Variants in ARHGEF28 observed in about 807,000 individuals in gnomAD.
ARHGEF28 encodes the protein 190 kDa guanine nucleotide exchange factor.
In ARHGEF28, 152 loss-of-function variants were observed where a neutral mutation model predicts 206.6. The ratio of observed to expected loss-of-function variants is 0.74; its 90% CI spans 0.64 to 0.84. ARHGEF28 has a LOEUF of 0.84. Ranked by LOEUF, ARHGEF28 falls within the 40% of genes least tolerant of loss-of-function variation. The probability of loss-of-function intolerance (pLI) is 0.00; values close to 1 mark genes in which losing one functional copy is unlikely to be tolerated. For missense variants in ARHGEF28, 2,028 were observed against 2,073.2 expected, an observed-to-expected ratio of 0.98 and a Z score of 0.42; for synonymous variants, 763 against 776.4, an observed-to-expected ratio of 0.98 and a Z score of 0.29.
intron 15 of ARHGEF28, 130 bp downstream of exon 15, chr5:73,857,909 A>T: frequency 2.2e-6 from 3 of 1,386,022 alleles, no homozygotes; most frequent in Non-Finnish European, 1.9e-6. Flanking sequence ...CTTATGGAAT[A>T]TTGCTAAAGC....
chr5:73,664,774 A>G (rs773739879), intron 1 of ARHGEF28, among the ~76,000 whole-genome samples: 1 of 152,176 alleles, frequency 6.6e-6, no homozygotes, highest in Non-Finnish European at 1.5e-5. Flanking sequence ...CTTAACTACT[A>G]TGTCAGATCA....
In ARHGEF28 at chr5:73,894,542, G is replaced by T. The variant is rs1421954223; in HGVS notation, c.3808G>T (p.Ala1270Ser). 1.2e-6 allele frequency: 2 copies of T among 1,613,714 alleles called. No individual in the cohort carries two copies. Among genetic ancestry groups the T allele is most frequent in the African/African-American group, 2.7e-5 (2 of 74,894 alleles). The change falls in exon 29 of 36, where the codon GCA becomes TCA. Residue 1270 changes from alanine (A) to serine (S), a missense_variant. Coordinates refer to ENST00000513042, the MANE Select transcript of ARHGEF28 (RefSeq NM_001177693.2). The stretch of plus-strand genomic sequence containing the variant: ...ACCTGACCCAGGCGAGCCTCCCCAG[G>T]CAGCCTCATTACTGGCAGCAGCACT... ...IKPDPGEPPQ[A>S]ASLLAAALKE...
intron 6 of ARHGEF28, among the ~76,000 whole-genome samples, chr5:73,777,602 T>C (rs1034069273): frequency 6.6e-6 from 1 of 152,230 alleles, no homozygotes; most frequent in Non-Finnish European, 1.5e-5. Flanking sequence ...AGATTATTAT[T>C]GGCTTACTCC....
intron 2 of ARHGEF28, among the ~76,000 whole-genome samples, chr5:73,698,302 T>C (rs921115522): frequency 6.6e-6 from 1 of 152,206 alleles, no homozygotes; most frequent in Admixed American, 6.5e-5. Context: ...AGAATACTTT[T>C]AATTTCTCTG....
At chr5:73,914,666 G>A (rs1055109525) in intron 35 of ARHGEF28, among the ~76,000 whole-genome samples, 7 of 151,966 alleles carry the variant, frequency 4.6e-5, no homozygotes, top group African/African-American at 1.5e-4. Context: ...CAAAGTGTTG[G>A]GATTACAGGC....
chr5:73,772,467 C>A (rs1358634278), intron 4 of ARHGEF28, among the ~76,000 whole-genome samples: 1 of 152,212 alleles, frequency 6.6e-6, no homozygotes, highest in Non-Finnish European at 1.5e-5. Context: ...CAACCTCTGC[C>A]TCCTGGGCTC....
chr5:73,722,368 A>G lies in ARHGEF28; in HGVS notation c.34-27469A>G, dbSNP rs540201902. 1.1e-4 allele frequency among the ~76,000 whole-genome samples: 16 copies of G among 152,326 alleles called. 1 individual carries two copies. The South Asian group carries it at 3.1e-3, about 30-fold the overall frequency. On this transcript the variant is annotated intron_variant, in intron 2 of 35. Coordinates refer to ENST00000513042, the MANE Select transcript of ARHGEF28 (RefSeq NM_001177693.2). ...AGAGAAATTATAAATGCTGTGTCCA[A>G]AGCTGCACAGCTATTTACCAGATGT...
At chr5:73,885,732 T>C in intron 24 of ARHGEF28, 118 bp from the exon 25 acceptor site, 2 of 1,115,030 alleles carry the variant, frequency 1.8e-6, no homozygotes, top group Non-Finnish European at 2.4e-6. Flanking sequence ...CTTATGGGAT[T>C]TTTATTGTTT....
intron 9 of ARHGEF28, among the ~76,000 whole-genome samples, chr5:73,824,556 G>A (rs752297324): frequency 6.6e-6 from 1 of 151,268 alleles, no homozygotes; most frequent in Non-Finnish European, 1.5e-5. Context: ...TGCAACCTCT[G>A]CCTCCCAGGT....
intron 1 of ARHGEF28, among the ~76,000 whole-genome samples, chr5:73,673,951 T>TGCTTGAGCTCAG (rs991133745): frequency 1.3e-5 from 2 of 150,836 alleles, no homozygotes; most frequent in African/African-American, 2.4e-5. Flanking sequence ...GTGGGAGGAT[T>TGCTTGAGCTCAG]GCTTGAGCTC....
At chr5:73,785,182 A>G (rs984818735) in intron 7 of ARHGEF28, among the ~76,000 whole-genome samples, 2 of 152,230 alleles carry the variant, frequency 1.3e-5, no homozygotes, top group African/African-American at 4.8e-5. Context: ...GGCAGGGGCT[A>G]CTGTATATGA....
At chr5:73,906,941 A>C (rs925582471) in intron 33 of ARHGEF28, among the ~76,000 whole-genome samples, 1 of 152,234 alleles carries the variant, frequency 6.6e-6, no homozygotes, top group African/African-American at 2.4e-5. Flanking sequence ...GGTAGAAAAT[A>C]AAAATTAGAA....
chr5:73,812,168 T>C (rs1050917876), intron 9 of ARHGEF28, among the ~76,000 whole-genome samples: 2 of 152,138 alleles, frequency 1.3e-5, no homozygotes, highest in Admixed American at 6.6e-5. Flanking sequence ...TTAAGTGGTC[T>C]CTCCCCTTTC....
intron 9 of ARHGEF28, among the ~76,000 whole-genome samples, chr5:73,801,419 C>G (rs1755125862): frequency 6.6e-6 from 1 of 151,806 alleles, no homozygotes; most frequent in South Asian, 2.1e-4. Context: ...TGCACTCCAG[C>G]CTGGGCAACA....
intron 2 of ARHGEF28, among the ~76,000 whole-genome samples, chr5:73,723,325 C>T (rs1750074969): frequency 6.6e-6 from 1 of 152,138 alleles, no homozygotes; most frequent in African/African-American, 2.4e-5. Flanking sequence ...AGTACTGGGA[C>T]TACAGCTGCG....
chr5:73,856,581 G>A (rs1349729706), intron 14 of ARHGEF28, among the ~76,000 whole-genome samples: 1 of 151,960 alleles, frequency 6.6e-6, no homozygotes, highest in African/African-American at 2.4e-5. Context: ...TGTGGAAGGG[G>A]TCTTGGAAAT....
intron 2 of ARHGEF28, among the ~76,000 whole-genome samples, chr5:73,687,126 T>A (rs1747526407): frequency 6.6e-6 from 1 of 152,196 alleles, no homozygotes; most frequent in East Asian, 1.9e-4. Context: ...TGGTGCTACA[T>A]AAATTAATTG....
At chr5:73,790,097 G>T (rs1448725546) in intron 7 of ARHGEF28, among the ~76,000 whole-genome samples, 1 of 152,096 alleles carries the variant, frequency 6.6e-6, no homozygotes. Context: ...GGGCTACTGT[G>T]GCTCCAAAAT....
chr5:73,659,833 A>G (rs1011978276), intron 1 of ARHGEF28, among the ~76,000 whole-genome samples: 1 of 152,188 alleles, frequency 6.6e-6, no homozygotes, highest in Non-Finnish European at 1.5e-5. Context: ...AAAAATGTAA[A>G]TACCTAATTA....
Sources: gnomAD v4.1 joint callset for allele counts (sites outside exome capture counted in the v4.1 genomes callset) on GRCh38, gnomAD v4.1.1 for gene constraint, MANE v1.5 for transcripts, NCBI Gene and HGNC (gene_info 2026-07-23, HGNC 2026-07-21) for gene names.